STOX1: variants seen among roughly 807,000 people sequenced by gnomAD.
STOX1 encodes storkhead-box protein 1.
A neutral mutation model predicts 74.8 loss-of-function variants in STOX1; 57 were observed. That is an observed-to-expected ratio of 0.76 (90% CI 0.62 to 0.95). STOX1 has a LOEUF of 0.95. STOX1 is among the 40% of genes least tolerant of loss of function. STOX1 has a pLI of 0.00. For missense variants in STOX1, 1,010 were observed against 1,117.0 expected (o/e 0.90, Z 1.37); for synonymous variants, 375 against 401.3 (o/e 0.93, Z 0.78).
At chr10:68,854,605 C>G (rs1840075919) in intron 1 of STOX1, among the ~76,000 whole-genome samples, 1 of 152,054 alleles carries the variant, frequency 6.6e-6, no homozygotes, top group South Asian at 2.1e-4. Flanking sequence ...GCCCATACCA[C>G]CTTTCCAATG....
At chr10:68,833,602 C>A (rs1564568166) in intron 1 of STOX1, among the ~76,000 whole-genome samples, 1 of 152,020 alleles carries the variant, frequency 6.6e-6, no homozygotes, top group African/African-American at 2.4e-5. Context: ...TGAAACAGAA[C>A]AGACCAGGAA....
intron 1 of STOX1, among the ~76,000 whole-genome samples, chr10:68,881,308 C>G (rs917288534): frequency 2.0e-5 from 3 of 152,154 alleles, no homozygotes; most frequent in Non-Finnish European, 4.4e-5. Context: ...CTGTATTAAG[C>G]CTTAAGTTCT....
chr10:68,828,895 C>A, intron 1 of STOX1: 1 of 823,026 alleles, frequency 1.2e-6, no homozygotes, highest in Non-Finnish European at 1.5e-6. Context: ...TGTTAGACAA[C>A]AGCAGCTTTT....
intron 1 of STOX1, among the ~76,000 whole-genome samples, chr10:68,855,518 G>A (rs1782332): frequency 3.3e-5 from 5 of 151,706 alleles, no homozygotes; most frequent in Non-Finnish European, 5.9e-5. Context: ...AGTTCACTGC[G>A]GCCTCGACCT....
chr10:68,886,244 C>G lies in STOX1; in HGVS notation c.2448C>G (p.Asn816Lys), dbSNP rs371713085. The G allele has an allele frequency of 2.5e-6, 4 of 1,614,210 alleles. No individual in the cohort carries two copies. The highest frequency in any genetic ancestry group is 1.7e-6 in the Non-Finnish European group (2 of 1,180,040). ...HATPGESQEPNLSAESCGLNS... is the reference protein window; with the variant it reads ...HATPGESQEPKLSAESCGLNS... ...CCCCAGGTGAAAGCCAAGAACCTAA[C>G]CTCTCTGCTGAAAGTTGTGGCCTAA... The change falls in exon 3 of 4, where the codon AAC becomes AAG. Residue 816 changes from asparagine (N) to lysine (K), a missense_variant. By Grantham distance (94) the Asn-to-Lys change is moderately conservative. Coordinates refer to ENST00000298596, the MANE Select transcript of STOX1 (RefSeq NM_152709.5).
chr10:68,853,083 C>A (rs545121413), intron 1 of STOX1, among the ~76,000 whole-genome samples: 1 of 152,028 alleles, frequency 6.6e-6, no homozygotes, highest in Non-Finnish European at 1.5e-5. Context: ...CCACCATGCC[C>A]AGCTAATTTT....
intron 1 of STOX1, among the ~76,000 whole-genome samples, chr10:68,856,848 A>G: frequency 6.6e-6 from 1 of 152,096 alleles, no homozygotes; most frequent in East Asian, 1.9e-4. Context: ...TGGGGAGGAC[A>G]GCAAAATCCA....
chr10:68,877,874 A>G (rs961827610), intron 1 of STOX1, among the ~76,000 whole-genome samples: 6 of 152,202 alleles, frequency 3.9e-5, no homozygotes, highest in African/African-American at 1.4e-4. Context: ...CAAGGAAGGG[A>G]AACTTTTCCC....
intron 1 of STOX1, among the ~76,000 whole-genome samples, chr10:68,865,781 A>ATTTT (rs527862115): frequency 6.6e-5 from 10 of 152,086 alleles, no homozygotes; most frequent in African/African-American, 2.4e-4. Context: ...CATTTACCTG[A>ATTTT]TTTTTTCTTA....
chr10:68,865,566 A>G (rs12775480), intron 1 of STOX1, among the ~76,000 whole-genome samples: 1 of 152,068 alleles, frequency 6.6e-6, no homozygotes, highest in African/African-American at 2.4e-5. Context: ...GGAGAATGGC[A>G]TGAACCTGGG....
At chr10:68,871,225 G>A (rs570686583) in intron 1 of STOX1, among the ~76,000 whole-genome samples, 11 of 152,272 alleles carry the variant, frequency 7.2e-5, no homozygotes, top group African/African-American at 2.4e-4. Context: ...ATCTCTATCC[G>A]CAGTGAGGGT....
intron 1 of STOX1, among the ~76,000 whole-genome samples, chr10:68,863,667 A>T (rs2133564901): frequency 6.6e-6 from 1 of 152,206 alleles, no homozygotes; most frequent in Middle Eastern, 3.4e-3. Context: ...AGTGATGTAA[A>T]AAAGGGTGCA....
Position 68,885,437 on chromosome 10 carries a change from C to A in STOX1, c.1641C>A (p.Ala547=). 6.2e-7 allele frequency: 1 copy of A among 1,614,100 alleles called. No homozygotes were observed. Among genetic ancestry groups the A allele is most frequent in the Non-Finnish European group, 8.5e-7 (1 of 1,180,014 alleles). The change falls in exon 3 of 4, where the codon GCC becomes GCA. Residue 547 remains alanine, a synonymous_variant. Coordinates refer to ENST00000298596, the MANE Select transcript of STOX1 (RefSeq NM_152709.5). ...LDSSRIFDGK[A]KEPYAEQPND... Reference sequence around the variant, plus strand: ...CCTCAAGAATCTTTGATGGTAAAGCCAAAGAGCCATATGCTGAACAACCTA... The same window carrying A: ...CCTCAAGAATCTTTGATGGTAAAGCAAAAGAGCCATATGCTGAACAACCTA...
At chr10:68,883,008 C>A (rs1840847648) in intron 2 of STOX1, among the ~76,000 whole-genome samples, 1 of 152,178 alleles carries the variant, frequency 6.6e-6, no homozygotes, top group Non-Finnish European at 1.5e-5. Context: ...AATCCACCTG[C>A]CTCAGCCTCC....
chr10:68,837,329 C>T (rs867272246), intron 1 of STOX1, among the ~76,000 whole-genome samples: 71 of 152,198 alleles, frequency 4.7e-4, no homozygotes, highest in African/African-American at 1.5e-3. Flanking sequence ...GCATGTGTCC[C>T]GGTTGTATGA....
chr10:68,880,995 C>T (rs1184423319), intron 1 of STOX1, among the ~76,000 whole-genome samples: 2 of 152,164 alleles, frequency 1.3e-5, no homozygotes, highest in Non-Finnish European at 2.9e-5. Context: ...CATCTGGTCC[C>T]TACTCTGTCT....
intron 1 of STOX1, among the ~76,000 whole-genome samples, chr10:68,867,368 T>C (rs1469013033): frequency 6.6e-6 from 1 of 152,192 alleles, no homozygotes. Flanking sequence ...CCCCTGTTGA[T>C]CTGGGGGGTA....
chr10:68,868,648 T>C (rs1361761261), intron 1 of STOX1, among the ~76,000 whole-genome samples: 1 of 152,182 alleles, frequency 6.6e-6, no homozygotes, highest in African/African-American at 2.4e-5. Context: ...GCAGTTTGCA[T>C]TCCAGCCTGG....
chr10:68,872,917 CT>C (rs11293142), intron 1 of STOX1, among the ~76,000 whole-genome samples: 141,050 of 150,900 alleles, frequency 0.93, 65,948 homozygotes, highest in East Asian at 0.99. Flanking sequence ...CGTAATTGTT[CT>C]TTTTTTTTTT....
Sources: gnomAD v4.1 joint callset for allele counts (sites outside exome capture counted in the v4.1 genomes callset) on GRCh38, gnomAD v4.1.1 for gene constraint, MANE v1.5 for transcripts, NCBI Gene and HGNC (gene_info 2026-07-23, HGNC 2026-07-21) for gene names.